MACROD2: variants seen among roughly 807,000 people sequenced by gnomAD.
MACROD2 encodes mono-ADP ribosylhydrolase 2.
A neutral mutation model predicts 70.4 loss-of-function variants in MACROD2; 36 were observed. The ratio of observed to expected loss-of-function variants is 0.51; its 90% CI spans 0.39 to 0.68. The LOEUF is 0.68. Among genes scored for constraint, MACROD2 ranks in the 30% least tolerant of loss-of-function variants. MACROD2 has a pLI of 0.00. For missense variants in MACROD2, 496 were observed against 538.4 expected, an observed-to-expected ratio of 0.92 and a Z score of 0.78; for synonymous variants, 172 against 178.8, an observed-to-expected ratio of 0.96 and a Z score of 0.30.
intron 3 of MACROD2, chr20:14,325,842 A>G: frequency 6.2e-7 from 1 of 1,613,958 alleles, no homozygotes; most frequent in Non-Finnish European, 8.5e-7. Context: ...AGAGCGATCC[A>G]TTCCTATGAA....
chr20:15,497,599 T>A (rs2047314697), intron 7 of MACROD2, among the ~76,000 whole-genome samples: 1 of 152,144 alleles, frequency 6.6e-6, no homozygotes, highest in Admixed American at 6.5e-5. Flanking sequence ...CGCCTCCTTC[T>A]CCTTCTTTGC....
intron 3 of MACROD2, among the ~76,000 whole-genome samples, chr20:14,171,119 G>A (rs1332433131): frequency 1.3e-5 from 2 of 152,042 alleles, no homozygotes; most frequent in Non-Finnish European, 2.9e-5. Context: ...AGGTTTTCTA[G>A]TTTATGCACA....
intron 3 of MACROD2, among the ~76,000 whole-genome samples, chr20:14,346,967 A>G (rs1165809493): frequency 6.6e-6 from 1 of 152,236 alleles, no homozygotes; most frequent in Non-Finnish European, 1.5e-5. Flanking sequence ...GGACAAAACC[A>G]TCTCATGACA....
intron 3 of MACROD2, among the ~76,000 whole-genome samples, chr20:14,368,174 C>T (rs1285106784): frequency 6.6e-6 from 1 of 152,026 alleles, no homozygotes; most frequent in Non-Finnish European, 1.5e-5. Flanking sequence ...GTGTATGCTC[C>T]CTCAAGTACA....
intron 3 of MACROD2, among the ~76,000 whole-genome samples, chr20:14,299,117 A>G (rs1221799166): frequency 6.6e-6 from 1 of 152,194 alleles, no homozygotes; most frequent in African/African-American, 2.4e-5. Context: ...AAACAGCATC[A>G]CATACTACAG....
chr20:15,169,491 A>G (rs997435841), intron 5 of MACROD2, among the ~76,000 whole-genome samples: 1 of 152,182 alleles, frequency 6.6e-6, no homozygotes, highest in Non-Finnish European at 1.5e-5. Context: ...TTCTTGAAGG[A>G]AGTAACTGCA....
intron 3 of MACROD2, among the ~76,000 whole-genome samples, chr20:14,235,013 A>G (rs2081855838): frequency 6.6e-6 from 1 of 152,102 alleles, no homozygotes; most frequent in African/African-American, 2.4e-5. Flanking sequence ...TTCTTTTTTA[A>G]TGTGAAAAAA....
chr20:16,035,261 C>G (rs548743828), intron 15 of MACROD2, among the ~76,000 whole-genome samples: 1 of 148,550 alleles, frequency 6.7e-6, no homozygotes, highest in East Asian at 2.0e-4. Context: ...GACTGATGAG[C>G]CTTTGGGTTG....
chr20:14,785,272 G>T (rs1318252278), intron 5 of MACROD2, among the ~76,000 whole-genome samples: 2 of 151,852 alleles, frequency 1.3e-5, no homozygotes, highest in Non-Finnish European at 2.9e-5. Flanking sequence ...GGAATTAAGG[G>T]CCTAGACTGG....
chr20:14,279,753 A>T (rs2082290702), intron 3 of MACROD2, among the ~76,000 whole-genome samples: 1 of 152,190 alleles, frequency 6.6e-6, no homozygotes, highest in East Asian at 1.9e-4. Context: ...CAAAATTTAC[A>T]TCCAAGAGAT....
intron 5 of MACROD2, among the ~76,000 whole-genome samples, chr20:15,031,024 C>G (rs924615376): frequency 6.6e-6 from 1 of 152,226 alleles, no homozygotes; most frequent in Non-Finnish European, 1.5e-5. Flanking sequence ...GTGAGCTAGG[C>G]ACGGAGCAGT....
chr20:14,171,890 T>A (rs556587345), intron 3 of MACROD2, among the ~76,000 whole-genome samples: 1 of 152,326 alleles, frequency 6.6e-6, no homozygotes, highest in South Asian at 2.1e-4. Flanking sequence ...TGTTTCTTTG[T>A]TGACTTTCTG....
At chr20:15,676,741 G>A (rs2050062274) in intron 8 of MACROD2, among the ~76,000 whole-genome samples, 1 of 152,122 alleles carries the variant, frequency 6.6e-6, no homozygotes, top group Non-Finnish European at 1.5e-5. Context: ...TTTGGCTTAT[G>A]TTCAGTATTT....
chr20:15,799,162 G>A (rs1329221262), intron 8 of MACROD2, among the ~76,000 whole-genome samples: 6 of 152,008 alleles, frequency 3.9e-5, no homozygotes, highest in Admixed American at 2.6e-4. Context: ...AGAGGCATCT[G>A]GTATGTCAAA....
At chr20:15,482,709 C>A (rs550331043) in intron 7 of MACROD2, among the ~76,000 whole-genome samples, 4 of 152,238 alleles carry the variant, frequency 2.6e-5, no homozygotes, top group African/African-American at 9.6e-5. Context: ...CCCTGTTGTT[C>A]CACATTCTTA....
chr20:15,263,968 T>G (rs538940755), intron 6 of MACROD2, among the ~76,000 whole-genome samples: 2 of 152,216 alleles, frequency 1.3e-5, no homozygotes, highest in Admixed American at 1.3e-4. Flanking sequence ...TAAGATAATA[T>G]TACCTGCAAA....
intron 8 of MACROD2, among the ~76,000 whole-genome samples, chr20:15,672,348 TACACACACAC>T (rs3071295): frequency 1.4e-4 from 20 of 141,958 alleles, no homozygotes; most frequent in East Asian, 6.4e-4. Context: ...TGTTCTATTT[TACACACACAC>T]ACACACACAC....
chr20:14,311,111 A>G (rs2082563500), intron 3 of MACROD2, among the ~76,000 whole-genome samples: 1 of 152,228 alleles, frequency 6.6e-6, no homozygotes. Context: ...TACAGTCTAC[A>G]GTTATGTTTA....
chr20:15,545,807 A>T (rs1226816067), intron 8 of MACROD2, among the ~76,000 whole-genome samples: 1 of 152,112 alleles, frequency 6.6e-6, no homozygotes, highest in Non-Finnish European at 1.5e-5. Context: ...AATCAAGCCT[A>T]TGGCAAAAGA....
Sources: gnomAD v4.1 joint callset for allele counts (sites outside exome capture counted in the v4.1 genomes callset) on GRCh38, gnomAD v4.1.1 for gene constraint, MANE v1.5 for transcripts, NCBI Gene and HGNC (gene_info 2026-07-23, HGNC 2026-07-21) for gene names.